GSE1: variants seen among roughly 807,000 people sequenced by gnomAD.
GSE1 encodes the protein genetic suppressor element 1.
A neutral mutation model predicts 112.6 loss-of-function variants in GSE1; 32 were observed. The observed-to-expected ratio is 0.28, with a 90% CI of 0.21 to 0.38. The LOEUF is 0.38. Ranked by LOEUF, GSE1 falls within the 10% of genes least tolerant of loss-of-function variation. The pLI is 1.00. For missense variants in GSE1, 2,348 were observed against 1,699.2 expected (o/e 1.38, Z -6.71); for synonymous variants, 1,115 against 735.6 (o/e 1.52, Z -8.35).
At chr16:85,479,810 C>G (rs1409301094) in intron 2 of GSE1, among the ~76,000 whole-genome samples, 8 of 152,190 alleles carry the variant, frequency 5.3e-5, no homozygotes, top group Admixed American at 1.3e-4. Context: ...TTCACAGAAG[C>G]CCAAGCAGCT....
chr16:85,444,198 A>G (rs2049451678), intron 2 of GSE1, among the ~76,000 whole-genome samples: 2 of 152,000 alleles, frequency 1.3e-5, no homozygotes, highest in Non-Finnish European at 2.9e-5. Context: ...GTCGGCCAGG[A>G]TGGTCTCGAT....
rs36023159 is a variant in GSE1 at position 85,311,076 on chromosome 16, T to C, written c.2284-46387T>C. On this transcript the variant is annotated intron_variant, in intron 1 of 2. Transcript: ENST00000637419. This position sits in a 1 kb window ranked among gnomAD's most constrained non-coding sequence, Gnocchi z 4.2. ...GGCTCTGTCAAGAAGGATTATCTCG[T>C]CCTCCAGCAGGCAGGGCATCTGACA... Among the ~76,000 whole-genome samples, 2,223 of 152,238 alleles carry C rather than the reference T, an allele frequency of 0.015. 25 individuals are homozygous for C. The highest frequency in any genetic ancestry group is 0.034 in the Middle Eastern group (10 of 294).
chr16:85,260,845 C>A (rs1489833120), intron 1 of GSE1, among the ~76,000 whole-genome samples: 3 of 152,222 alleles, frequency 2.0e-5, no homozygotes, highest in Non-Finnish European at 4.4e-5. Context: ...GCGCATGGGG[C>A]GTGGCACTGA....
chr16:85,395,887 G>A (rs527905325), intron 2 of GSE1, among the ~76,000 whole-genome samples: 3 of 146,308 alleles, frequency 2.1e-5, no homozygotes, highest in Non-Finnish European at 4.5e-5. Context: ...ACCAGCCAGC[G>A]CCCCGCAGAA....
chr16:85,483,871 TGCCAGCAGGCCTCTGGGCCCTGCCC>T (rs1276451738), intron 2 of GSE1, among the ~76,000 whole-genome samples: 1 of 152,266 alleles, frequency 6.6e-6, no homozygotes, highest in Non-Finnish European at 1.5e-5. Context: ...TACCGTCCCC[TGCCAGCAGGCCTCTGGGCCCTGCCC>T]GTCACGGGTA....
chr16:85,388,291 G>A (rs988892971), intron 2 of GSE1, among the ~76,000 whole-genome samples: 2 of 88,050 alleles, frequency 2.3e-5, no homozygotes, highest in Admixed American at 1.2e-4. Context: ...TGGATGGGTG[G>A]GTGGATGGAT....
chr16:85,207,615 G>T (rs1021915279), intron 1 of GSE1, among the ~76,000 whole-genome samples: 3 of 152,232 alleles, frequency 2.0e-5, no homozygotes, highest in Admixed American at 1.3e-4. Flanking sequence ...GGTGTGAGGA[G>T]CCCGGGCTGC....
rs971424494 is a variant in GSE1, at chr16:85,385,231, C to T, written c.2464+27588C>T. On this transcript the variant is annotated intron_variant, in intron 2 of 2. Coordinates refer to the GSE1 transcript ENST00000637419. ...TGCCTCCAGCCTGTGGCTGCTTGTC[C>T]GGGGCAGGAGGCTGGGAGGAGAAGG... 5.9e-5 allele frequency among the ~76,000 whole-genome samples: 9 copies of T among 152,316 alleles called. No individual in the cohort carries two copies. In the East Asian group the frequency reaches 7.7e-4, roughly 13 times the overall value.
intron 2 of GSE1, among the ~76,000 whole-genome samples, chr16:85,364,414 C>T (rs549082108): frequency 2.4e-4 from 36 of 152,342 alleles, no homozygotes; most frequent in Non-Finnish European, 4.6e-4. Context: ...TAAGGTGGCA[C>T]GTGCACAGGC....
chr16:85,385,844 C>G (rs1183532647), intron 2 of GSE1, among the ~76,000 whole-genome samples: 1 of 152,186 alleles, frequency 6.6e-6, no homozygotes, highest in African/African-American at 2.4e-5. Flanking sequence ...GACCCCCGGG[C>G]CAGGACGGCT....
intron 2 of GSE1, among the ~76,000 whole-genome samples, chr16:85,473,711 C>G (rs1485488099): frequency 2.0e-5 from 3 of 152,194 alleles, no homozygotes; most frequent in African/African-American, 4.8e-5. Context: ...CTGCAAAGAG[C>G]CTTTTTCCAA....
intron 1 of GSE1, among the ~76,000 whole-genome samples, chr16:85,623,174 A>C (rs1459658585): frequency 6.6e-6 from 1 of 152,088 alleles, no homozygotes; most frequent in Non-Finnish European, 1.5e-5. Context: ...AGGTCAAATA[A>C]AAACAGGTTG....
At chr16:85,533,211 G>A (rs1017857559) in intron 2 of GSE1, among the ~76,000 whole-genome samples, 4 of 151,440 alleles carry the variant, frequency 2.6e-5, no homozygotes, top group African/African-American at 4.9e-5. Flanking sequence ...TCAGGAGTTC[G>A]AGACCAGCCT....
intron 1 of GSE1, among the ~76,000 whole-genome samples, chr16:85,343,630 G>A (rs1363389195): frequency 6.6e-6 from 1 of 152,132 alleles, no homozygotes; most frequent in Non-Finnish European, 1.5e-5. Flanking sequence ...CACGCCTGTA[G>A]ACCCAGCTAC....
At chr16:85,294,678 C>T (rs1481435750) in intron 1 of GSE1, among the ~76,000 whole-genome samples, 1 of 132,500 alleles carries the variant, frequency 7.5e-6, no homozygotes, top group Non-Finnish European at 1.6e-5. Context: ...TCTCCCCCCC[C>T]TTCCCTCCCT....
chr16:85,667,544 T>C lies in GSE1; in HGVS notation c.3131-596T>C, dbSNP rs13340881. 9.1e-3 allele frequency among the ~76,000 whole-genome samples: 1,393 copies of C among 152,316 alleles called. 40 individuals are homozygous for C. Among genetic ancestry groups the C allele is most frequent in the South Asian group, 0.053 (257 of 4,828 alleles). The stretch of plus-strand genomic sequence containing the variant: ...GGATGGGCTGGTGTCTGCTGAGGGC[T>C]GACTATAGACCAAGCTCAAAGAGAT... On this transcript the variant is annotated intron_variant, in intron 13 of 15. Transcript: ENST00000253458.
In GSE1 at chr16:85,663,030, G is replaced by A. The variant is rs2052558428; in HGVS notation, c.2310G>A (p.Glu770=). 1.2e-6 allele frequency: 2 copies of A among 1,613,244 alleles called. No homozygotes were observed. Among genetic ancestry groups the A allele is most frequent in the African/African-American group, 2.7e-5 (2 of 74,910 alleles). Reference sequence around the variant, plus strand: ...CTTACGACGAGAGCGATGAGGAGGAGGTCAGGGCCCACCTCCGTTGCGTGG... The same window carrying A: ...CTTACGACGAGAGCGATGAGGAGGAAGTCAGGGCCCACCTCCGTTGCGTGG... ...DDSYDESDEE[E]VRAHLRCVAE... Residue 770 remains glutamate (E), a synonymous_variant, in exon 10 of 16, where the codon GAG becomes GAA. Coordinates refer to ENST00000253458, the MANE Select transcript of GSE1 (RefSeq NM_014615.5).
At chr16:85,314,993 T>C (rs2968421) in intron 1 of GSE1, among the ~76,000 whole-genome samples, 53,749 of 152,122 alleles carry the variant, frequency 0.35, 10,014 homozygotes, top group East Asian at 0.53. Flanking sequence ...AACTGGTTAG[T>C]GTTTGCAATC....
At chr16:85,447,181 T>C (rs1482717877) in intron 2 of GSE1, among the ~76,000 whole-genome samples, 1 of 152,132 alleles carries the variant, frequency 6.6e-6, no homozygotes, top group Non-Finnish European at 1.5e-5. Context: ...TTGCCTGCTT[T>C]GCAAGCAAGA....
Sources: gnomAD v4.1 joint callset for allele counts (sites outside exome capture counted in the v4.1 genomes callset) on GRCh38, gnomAD v4.1.1 for gene constraint, Gnocchi (gnomAD v3.1) non-coding constraint, MANE v1.5 for transcripts, NCBI Gene and HGNC (gene_info 2026-07-23, HGNC 2026-07-21) for gene names.